YES1: variants seen among roughly 807,000 people sequenced by gnomAD.
YES1 encodes the protein tyrosine-protein kinase Yes.
YES1 carries 39 observed loss-of-function variants against 70.4 expected under a neutral mutation model. The ratio of observed to expected loss-of-function variants is 0.55; its 90% CI spans 0.43 to 0.72. The LOEUF (loss-of-function observed/expected upper bound fraction) is 0.72, where lower values mean the gene tolerates loss of function less well. Ranked by LOEUF, YES1 falls within the 30% of genes least tolerant of loss-of-function variation. The pLI is 0.00. For missense variants in YES1, 495 were observed against 644.8 expected (o/e 0.77, Z 2.52); for synonymous variants, 198 against 218.6 (o/e 0.91, Z 0.83).
rs191172469 is a variant in YES1, at chr18:737,165, A to G, written c.1138-204T>C. The G allele has an allele frequency of 1.2e-4, 60 of 516,214 alleles. 1 individual carries two copies. The Admixed American group carries it at 2.0e-3, about 18-fold the overall frequency. 32.0% of individuals were successfully genotyped at this position (516,214 alleles called of 1,614,324 possible). On this transcript the variant is annotated intron_variant, in intron 9 of 11. Transcript: ENST00000314574. ...GGCTAAATTCAGATTTCAAAAATCTAACACTGGCTGGGTGCGGTGGCCCAC... is the reference window on the plus strand; with the variant it reads ...GGCTAAATTCAGATTTCAAAAATCTGACACTGGCTGGGTGCGGTGGCCCAC...
chr18:761,115 C>A (rs188565911), intron 1 of YES1, among the ~76,000 whole-genome samples: 51 of 152,062 alleles, frequency 3.4e-4, no homozygotes, highest in Admixed American at 2.4e-3. Context: ...ACTCAATATA[C>A]TTAAGCCTGA....
intron 1 of YES1, among the ~76,000 whole-genome samples, chr18:770,238 G>A (rs967833440): frequency 6.6e-6 from 1 of 151,048 alleles, no homozygotes; most frequent in Non-Finnish European, 1.5e-5. Context: ...GATTACAGGT[G>A]CTGTGAGCCA....
At chr18:766,447 T>C (rs963916572) in intron 1 of YES1, among the ~76,000 whole-genome samples, 33 of 152,070 alleles carry the variant, frequency 2.2e-4, no homozygotes, top group African/African-American at 7.0e-4. Context: ...TAGCACTACA[T>C]GATTAGTGAA....
At chr18:787,442 G>A (rs1024013486) in intron 1 of YES1, among the ~76,000 whole-genome samples, 2 of 151,970 alleles carry the variant, frequency 1.3e-5, no homozygotes, top group Non-Finnish European at 2.9e-5. Flanking sequence ...GGGCGCGGTG[G>A]CTCACACCTG....
At chr18:766,823 T>C (rs1375734792) in intron 1 of YES1, among the ~76,000 whole-genome samples, 1 of 152,160 alleles carries the variant, frequency 6.6e-6, no homozygotes, top group Middle Eastern at 3.2e-3. Context: ...AACAAGAATA[T>C]TTACTACTCT....
chr18:765,043 C>A (rs988162866), intron 1 of YES1, among the ~76,000 whole-genome samples: 8 of 151,402 alleles, frequency 5.3e-5, no homozygotes, highest in Admixed American at 2.0e-4. Flanking sequence ...TTATCTGAAT[C>A]TTTTAAAGAT....
chr18:799,462 C>A (rs1425787638), intron 1 of YES1, among the ~76,000 whole-genome samples: 1 of 152,120 alleles, frequency 6.6e-6, no homozygotes, highest in Non-Finnish European at 1.5e-5. Context: ...GTAATCCCAG[C>A]ACTCTGGGAG....
At position 722,197 on chromosome 18, in the gene YES1, C is replaced by G. The variant is rs1402581172; in HGVS notation, c.*2227G>C. On this transcript the variant is annotated 3_prime_UTR_variant, in exon 12 of 12. Transcript: ENST00000314574. The stretch of plus-strand genomic sequence containing the variant: ...TACAATATCATAGTTCACATAAAGC[C>G]CTTAAAAAATCTCATGTCACAAGTT... 6.6e-6 allele frequency: 1 copy of G among 152,430 alleles called. No homozygotes were observed. The highest frequency in any genetic ancestry group is 2.4e-5 in the African/African-American group (1 of 41,376). The allele number at this position is 152,430 out of a possible 1,614,324, so 9.4% of individuals were successfully genotyped here.
chr18:765,399 C>CTTTTT (rs1160937016), intron 1 of YES1, among the ~76,000 whole-genome samples: 2 of 123,482 alleles, frequency 1.6e-5, no homozygotes, highest in South Asian at 2.6e-4. Context: ...TAATTTAACA[C>CTTTTT]TTTTTTTTTT....
chr18:727,113 A>G (rs1343466624), intron 11 of YES1, among the ~76,000 whole-genome samples: 2 of 152,194 alleles, frequency 1.3e-5, no homozygotes, highest in African/African-American at 2.4e-5. Flanking sequence ...CATCTGAATA[A>G]TTAACTAGAA....
At chr18:809,705 GCCA>G (rs1907274988) in intron 1 of YES1, among the ~76,000 whole-genome samples, 1 of 152,008 alleles carries the variant, frequency 6.6e-6, no homozygotes, top group Admixed American at 6.6e-5. Context: ...TCGAAAGTCA[GCCA>G]CCAAGTTATG....
chr18:772,215 G>C (rs539489413), intron 1 of YES1, among the ~76,000 whole-genome samples: 135 of 151,900 alleles, frequency 8.9e-4, no homozygotes, highest in African/African-American at 3.2e-3. Context: ...TTTCAGTACA[G>C]ACAGCGTTTC....
At chr18:803,808 A>G (rs576425264) in intron 1 of YES1, among the ~76,000 whole-genome samples, 3 of 152,244 alleles carry the variant, frequency 2.0e-5, no homozygotes, top group Non-Finnish European at 4.4e-5. Context: ...CAAAGAGCTC[A>G]GCAGTTAACA....
intron 4 of YES1, among the ~76,000 whole-genome samples, chr18:747,280 G>A (rs756688866): frequency 1.3e-5 from 2 of 152,160 alleles, no homozygotes; most frequent in Non-Finnish European, 2.9e-5. Flanking sequence ...GACCAGCCTG[G>A]CCAATAGGCG....
intron 11 of YES1, among the ~76,000 whole-genome samples, chr18:732,449 A>AC (rs1193350553): frequency 2.7e-5 from 4 of 146,042 alleles, no homozygotes; most frequent in Non-Finnish European, 4.5e-5. Context: ...AAAAAAAAAA[A>AC]AAAAAAAACA....
chr18:775,576 T>C (rs1291909037), intron 1 of YES1, among the ~76,000 whole-genome samples: 1 of 152,134 alleles, frequency 6.6e-6, no homozygotes, highest in South Asian at 2.1e-4. Flanking sequence ...GCAGGAGGAT[T>C]GTGTGAGCCC....
At chr18:761,182 G>T (rs1425142058) in intron 1 of YES1, among the ~76,000 whole-genome samples, 1 of 151,470 alleles carries the variant, frequency 6.6e-6, no homozygotes, top group African/African-American at 2.4e-5. Context: ...CTGGGAGGGG[G>T]AAAGGTCTAC....
chr18:724,731 T>G, intron 11 of YES1, 99 bp from the exon 12 acceptor site: 2 of 870,886 alleles, frequency 2.3e-6, no homozygotes, highest in Non-Finnish European at 3.6e-6. Context: ...AAGTATATTA[T>G]TTAGTGAAAC....
intron 10 of YES1, among the ~76,000 whole-genome samples, chr18:734,698 AC>A (rs573931126): frequency 0.014 from 2,137 of 152,184 alleles, 39 homozygotes; most frequent in African/African-American, 0.049. Context: ...AAAAAAAAAA[AC>A]AATAGATGTT....
Sources: gnomAD v4.1 joint callset for allele counts (sites outside exome capture counted in the v4.1 genomes callset) on GRCh38, gnomAD v4.1.1 for gene constraint, MANE v1.5 for transcripts, NCBI Gene and HGNC (gene_info 2026-07-23, HGNC 2026-07-21) for gene names.